PEBP4: variants seen among roughly 807,000 people sequenced by gnomAD.
PEBP4 encodes the protein phosphatidylethanolamine binding protein 4, also known as phosphatidylethanolamine-binding protein 4.
In PEBP4, 22 loss-of-function variants were observed where a neutral mutation model predicts 23.9. The ratio of observed to expected loss-of-function variants is 0.92; its 90% CI spans 0.66 to 1.31. The LOEUF is 1.31. Among genes scored for constraint, PEBP4 ranks in the 40% most tolerant of loss-of-function variants. PEBP4 has a pLI of 0.00. For synonymous variants in PEBP4, 112 were observed against 99.3 expected (o/e 1.13, Z -0.76); for missense variants, 324 against 281.7 (o/e 1.15, Z -1.07).
intron 3 of PEBP4, among the ~76,000 whole-genome samples, chr8:22,827,046 T>C (rs1806985776): frequency 6.6e-6 from 1 of 152,130 alleles, no homozygotes; most frequent in African/African-American, 2.4e-5. Flanking sequence ...GAACCCTCAT[T>C]CCACTTTTGA....
intron 4 of PEBP4, among the ~76,000 whole-genome samples, chr8:22,807,922 C>T (rs997480836): frequency 6.7e-6 from 1 of 149,270 alleles, no homozygotes; most frequent in African/African-American, 2.5e-5. Flanking sequence ...GTCCACCTAT[C>T]CATTCATCCA....
At chr8:22,837,179 C>T (rs768495235) in intron 3 of PEBP4, among the ~76,000 whole-genome samples, 2 of 152,200 alleles carry the variant, frequency 1.3e-5, no homozygotes, top group South Asian at 4.1e-4. Context: ...CACCCTTGAG[C>T]GAGGTCTGCG....
intron 6 of PEBP4, among the ~76,000 whole-genome samples, chr8:22,716,496 G>T (rs1286647003): frequency 6.6e-6 from 1 of 152,226 alleles, no homozygotes; most frequent in Non-Finnish European, 1.5e-5. Context: ...TCAGCAGCTG[G>T]GGAAGGGGCT....
At chr8:22,892,862 T>TA (rs1260830861) in intron 3 of PEBP4, among the ~76,000 whole-genome samples, 2 of 152,184 alleles carry the variant, frequency 1.3e-5, no homozygotes, top group Non-Finnish European at 2.9e-5. Context: ...TACTGCCTGA[T>TA]AGAGTTTCTA....
chr8:22,820,360 T>C (rs1806832952), intron 3 of PEBP4, among the ~76,000 whole-genome samples: 1 of 152,086 alleles, frequency 6.6e-6, no homozygotes, highest in Non-Finnish European at 1.5e-5. Context: ...TACGTGGTAG[T>C]TGGGTTTAAC....
In PEBP4 at chr8:22,854,704, G is replaced by A. The variant is rs78065843; in HGVS notation, c.259-36969C>T. On this transcript the variant is annotated intron_variant, in intron 3 of 6. Coordinates refer to ENST00000256404, the MANE Select transcript of PEBP4 (RefSeq NM_144962.3). ...TACAGAACATCAAATGTGCATTGAC[G>A]TAATTACCATAAATATGTGTAAAGA... Among the ~76,000 whole-genome samples the A allele has an allele frequency of 1.8e-3, 275 of 152,220 alleles. 1 individual carries two copies. Among genetic ancestry groups the A allele is most frequent in the African/African-American group, 6.0e-3 (250 of 41,520 alleles).
intron 4 of PEBP4, among the ~76,000 whole-genome samples, chr8:22,805,786 A>ATT (rs58399291): frequency 1.6e-4 from 24 of 151,206 alleles, no homozygotes; most frequent in African/African-American, 4.4e-4. Flanking sequence ...AATAAAGTCT[A>ATT]TTTTTTTTTA....
chr8:22,914,059 C>T (rs1166772135), intron 3 of PEBP4, among the ~76,000 whole-genome samples: 1 of 149,178 alleles, frequency 6.7e-6, no homozygotes, highest in Non-Finnish European at 1.5e-5. Flanking sequence ...GCGATCTAGG[C>T]TCACTGCAAC....
At chr8:22,851,933 C>T (rs1228175538) in intron 3 of PEBP4, among the ~76,000 whole-genome samples, 2 of 152,096 alleles carry the variant, frequency 1.3e-5, no homozygotes, top group Admixed American at 6.5e-5. Flanking sequence ...CTGACCCCAG[C>T]GCCCAGCTGA....
intron 4 of PEBP4, among the ~76,000 whole-genome samples, chr8:22,781,820 A>T (rs13279077): frequency 6.6e-6 from 1 of 152,088 alleles, no homozygotes; most frequent in Non-Finnish European, 1.5e-5. Context: ...CGGACATGGC[A>T]GCCTGTCCCC....
chr8:22,791,145 C>A (rs1381026243), intron 4 of PEBP4, among the ~76,000 whole-genome samples: 1 of 152,162 alleles, frequency 6.6e-6, no homozygotes, highest in South Asian at 2.1e-4. Context: ...CCACCCCAGA[C>A]ACACACAGAA....
At chr8:22,757,509 A>G (rs1585256911) in intron 4 of PEBP4, 1 of 152,328 alleles carries the variant, frequency 6.6e-6, no homozygotes, top group East Asian at 1.9e-4. Context: ...GGGGTGAAGG[A>G]CAGGGTGGGG....
intron 4 of PEBP4, among the ~76,000 whole-genome samples, chr8:22,743,780 C>T (rs983849758): frequency 2.4e-4 from 36 of 152,338 alleles, no homozygotes; most frequent in African/African-American, 8.7e-4. Flanking sequence ...GCACCACGCC[C>T]CTTTCCTCTG....
rs148154556 is a variant in PEBP4, at chr8:22,781,397, C to T, written c.357+36240G>A. Among the ~76,000 whole-genome samples the T allele has an allele frequency of 7.4e-4, 112 of 152,308 alleles. 2 individuals are homozygous for T. In the East Asian group the frequency reaches 0.019, roughly 26 times the overall value. On this transcript the variant is annotated intron_variant, in intron 4 of 6. Coordinates refer to ENST00000256404, the MANE Select transcript of PEBP4 (RefSeq NM_144962.3). ...GGGGTGGGCTCCAGGCTTTTCCCCA[C>T]ACTTCCTCAGGGATCGCTTTACATA... is the stretch of plus-strand genomic sequence containing the variant.
chr8:22,810,407 C>A (rs942131543), intron 4 of PEBP4, among the ~76,000 whole-genome samples: 2 of 152,270 alleles, frequency 1.3e-5, no homozygotes, highest in South Asian at 2.1e-4. Context: ...TGCTGCCCAC[C>A]CTTCTCCCTC....
At chr8:22,777,316 C>A (rs1397091071) in intron 4 of PEBP4, among the ~76,000 whole-genome samples, 1 of 152,146 alleles carries the variant, frequency 6.6e-6, no homozygotes, top group Non-Finnish European at 1.5e-5. Flanking sequence ...GTGTGGCTAC[C>A]CCAGGAGAAC....
chr8:22,768,540 C>G (rs563134941), intron 4 of PEBP4, among the ~76,000 whole-genome samples: 8 of 152,168 alleles, frequency 5.3e-5, no homozygotes, highest in African/African-American at 9.7e-5. Context: ...GCCTCCGGTG[C>G]GGAGCTCATT....
At chr8:22,900,437 C>T (rs1808689347) in intron 3 of PEBP4, among the ~76,000 whole-genome samples, 1 of 151,994 alleles carries the variant, frequency 6.6e-6, no homozygotes, top group African/African-American at 2.4e-5. Context: ...TCACTTGAGG[C>T]CAGGGGTTCG....
At chr8:22,727,325 G>C in intron 4 of PEBP4, 105 bp from the exon 5 acceptor site, 1 of 1,085,490 alleles carries the variant, frequency 9.2e-7, no homozygotes, top group Admixed American at 2.1e-5. Flanking sequence ...GGATGGGAGA[G>C]GAAGGAGGAT....
Sources: allele counts gnomAD v4.1 joint callset (sites outside exome capture counted in the v4.1 genomes callset), GRCh38; gene constraint gnomAD v4.1.1; transcripts MANE v1.5; gene names NCBI Gene and HGNC (gene_info 2026-07-23, HGNC 2026-07-21).